Variants in CDH18 observed in about 807,000 individuals in gnomAD.
CDH18 encodes the protein cadherin-18.
Under a neutral mutation model 67.9 loss-of-function variants are expected in CDH18, and 31 were observed. The observed-to-expected ratio is 0.46, with a 90% CI of 0.34 to 0.62. The LOEUF is 0.62. Among genes scored for constraint, CDH18 ranks in the 20% least tolerant of loss-of-function variants. The pLI is 0.01. For missense variants in CDH18, 890 were observed against 975.5 expected, an observed-to-expected ratio of 0.91 and a Z score of 1.17; for synonymous variants, 362 against 347.2, an observed-to-expected ratio of 1.04 and a Z score of -0.48.
At chr5:19,495,717 C>CAAAAAAA (rs749003068) in intron 11 of CDH18, among the ~76,000 whole-genome samples, 31 of 46,518 alleles carry the variant, frequency 6.7e-4, no homozygotes, top group South Asian at 2.4e-3. Flanking sequence ...GAAACTGTCT[C>CAAAAAAA]AAAAAAAAAA....
rs1746407097 is a variant in CDH18, at chr5:19,597,769, A to C, written c.812-6525T>G. On this transcript the variant is annotated intron_variant, in intron 6 of 12. Transcript: ENST00000382275. ...TTTGCTATAATCAAATTCTCAGCTC[A>C]TCTTCCCAGAACCATGATCATCCCC... 1.3e-5 allele frequency among the ~76,000 whole-genome samples: 2 copies of C among 152,192 alleles called. 1 individual carries two copies. The highest frequency in any genetic ancestry group is 4.1e-4 in the South Asian group (2 of 4,832).
chr5:20,288,395 G>A (rs1252681347), intron 1 of CDH18, among the ~76,000 whole-genome samples: 1 of 151,550 alleles, frequency 6.6e-6, no homozygotes, highest in African/African-American at 2.4e-5. Flanking sequence ...AATGTGACCA[G>A]TGATGCAAAA....
intron 3 of CDH18, among the ~76,000 whole-genome samples, chr5:19,824,795 T>A (rs768877770): frequency 1.3e-5 from 2 of 151,940 alleles, no homozygotes; most frequent in African/African-American, 2.4e-5. Context: ...GGTGACCCAA[T>A]CCAACCCTGC....
intron 2 of CDH18, among the ~76,000 whole-genome samples, chr5:20,209,218 G>A (rs1740156650): frequency 6.6e-6 from 1 of 151,932 alleles, no homozygotes; most frequent in South Asian, 2.1e-4. Flanking sequence ...ACTAAACGTA[G>A]GATTATCATA....
chr5:19,883,158 T>G (rs1420822423), intron 2 of CDH18, among the ~76,000 whole-genome samples: 1 of 152,140 alleles, frequency 6.6e-6, no homozygotes, highest in African/African-American at 2.4e-5. Flanking sequence ...TCAAAATCTG[T>G]GGGCATTGGC....
At chr5:20,513,754 C>T (rs1222456098) in intron 1 of CDH18, among the ~76,000 whole-genome samples, 1 of 146,054 alleles carries the variant, frequency 6.8e-6, no homozygotes, top group Non-Finnish European at 1.5e-5. Context: ...TTTTATTTTT[C>T]CCCTTTATAT....
intron 3 of CDH18, among the ~76,000 whole-genome samples, chr5:19,768,563 C>CG (rs1409671628): frequency 6.6e-6 from 1 of 152,080 alleles, no homozygotes; most frequent in Non-Finnish European, 1.5e-5. Context: ...TCAACATATA[C>CG]AACGCTGCCC....
chr5:19,989,106 C>G (rs1309974933), upstream of CDH18, among the ~76,000 whole-genome samples: 1 of 152,140 alleles, frequency 6.6e-6, no homozygotes, highest in Non-Finnish European at 1.5e-5. Flanking sequence ...GCTGAAATAA[C>G]TTTAGTACTT....
intron 2 of CDH18, among the ~76,000 whole-genome samples, chr5:20,150,874 T>A (rs1751043828): frequency 6.6e-6 from 1 of 152,054 alleles, no homozygotes; most frequent in Non-Finnish European, 1.5e-5. Flanking sequence ...AAACAAGAAT[T>A]CCCCAAAGTT....
chr5:19,789,116 T>C (rs1011947628), intron 3 of CDH18, among the ~76,000 whole-genome samples: 1 of 152,182 alleles, frequency 6.6e-6, no homozygotes, highest in African/African-American at 2.4e-5. Context: ...ATGATGATTG[T>C]TCTTTCCCCA....
chr5:20,175,110 C>T (rs567672616), intron 2 of CDH18, among the ~76,000 whole-genome samples: 4 of 151,290 alleles, frequency 2.6e-5, no homozygotes, highest in East Asian at 1.9e-4. Flanking sequence ...AATGAGAATC[C>T]GAGAAAGAGG....
chr5:19,623,639 T>C (rs1179706018), intron 5 of CDH18, among the ~76,000 whole-genome samples: 2 of 152,002 alleles, frequency 1.3e-5, no homozygotes, highest in African/African-American at 4.8e-5. Context: ...GATGAGATGC[T>C]TTATGTAGAT....
intron 2 of CDH18, among the ~76,000 whole-genome samples, chr5:20,010,992 C>T (rs1561711194): frequency 1.3e-5 from 2 of 152,242 alleles, no homozygotes; most frequent in South Asian, 4.1e-4. Context: ...TCTCTTTATC[C>T]CCTGCACGCA....
intron 1 of CDH18, among the ~76,000 whole-genome samples, chr5:20,302,309 C>T (rs1487163293): frequency 3.3e-5 from 5 of 152,144 alleles, no homozygotes; most frequent in Admixed American, 6.6e-5. Context: ...TAACGTCAAT[C>T]GGGCAGGGCC....
At chr5:19,616,690 A>G (rs1294640968) in intron 5 of CDH18, among the ~76,000 whole-genome samples, 4 of 152,162 alleles carry the variant, frequency 2.6e-5, no homozygotes, top group African/African-American at 9.7e-5. Context: ...CACATCTCCA[A>G]CAGACTATTG....
In CDH18 at chr5:20,542,458, T is replaced by G. The variant is rs76890405; in HGVS notation, c.-580+33004A>C. 3.2e-3 allele frequency among the ~76,000 whole-genome samples: 491 copies of G among 151,670 alleles called. 4 individuals carry two copies. Among genetic ancestry groups the G allele is most frequent in the African/African-American group, 0.011 (472 of 41,410 alleles). ...ATAGCAATGTGTGTGTGTATACACATACACATATGTATACACACACATACA... is the reference window on the plus strand; with the variant it reads ...ATAGCAATGTGTGTGTGTATACACAGACACATATGTATACACACACATACA... On this transcript the variant is annotated intron_variant, in intron 1 of 14. Transcript: ENST00000507958.
At chr5:20,113,805 T>C (rs1308395294) in intron 2 of CDH18, among the ~76,000 whole-genome samples, 2 of 152,012 alleles carry the variant, frequency 1.3e-5, no homozygotes, top group Non-Finnish European at 2.9e-5. Context: ...CAGAGAGAAG[T>C]TGAGAACATG....
At chr5:19,610,147 A>C (rs1748709437) in intron 6 of CDH18, among the ~76,000 whole-genome samples, 1 of 152,070 alleles carries the variant, frequency 6.6e-6, no homozygotes, top group African/African-American at 2.4e-5. Flanking sequence ...TCAAAACTCT[A>C]AGAACACCTT....
In CDH18 at chr5:20,351,185, T is replaced by C. The variant is rs576348755; in HGVS notation, c.-579-95680A>G. Among the ~76,000 whole-genome samples the C allele has an allele frequency of 3.7e-4, 54 of 144,202 alleles. 1 individual carries two copies. The highest frequency in any genetic ancestry group is 1.2e-3 in the African/African-American group (49 of 40,574). The allele number at this position is 144,202 out of a possible 152,430, so 94.6% of individuals were successfully genotyped here. On this transcript the variant is annotated intron_variant, in intron 1 of 14. Transcript: ENST00000507958. ...TTGTGTGTGTGTGTGTGTGTGTGTGTGTGTGTGCGTGTGTGTTATTGCTTA... is the reference window on the plus strand; with the variant it reads ...TTGTGTGTGTGTGTGTGTGTGTGTGCGTGTGTGCGTGTGTGTTATTGCTTA...
Sources: allele counts gnomAD v4.1 joint callset (sites outside exome capture counted in the v4.1 genomes callset), GRCh38; gene constraint gnomAD v4.1.1; transcripts MANE v1.5; gene names NCBI Gene and HGNC (gene_info 2026-07-23, HGNC 2026-07-21).